THUMPD1: variants seen among roughly 807,000 people sequenced by gnomAD.
THUMPD1 encodes THUMP domain 1 NAT10 acetyltransferase adaptor, also known as THUMP domain-containing protein 1.
In THUMPD1, 31 loss-of-function variants were observed where a neutral mutation model predicts 31.6. That is an observed-to-expected ratio of 0.98 (90% confidence interval 0.74 to 1.32). The LOEUF is 1.32. Among genes scored for constraint, THUMPD1 ranks in the 40% most tolerant of loss-of-function variants. The pLI is 0.00. For missense variants in THUMPD1, 446 were observed against 427.8 expected (o/e 1.04, Z -0.38); for synonymous variants, 166 against 158.2 (o/e 1.05, Z -0.37).
Position 20,738,996 on chromosome 16 carries a change from CTTCT to C in THUMPD1, c.303_306del (p.Glu102LeufsTer10), listed in dbSNP as rs2152419456. 1 of 1,614,234 alleles carries C rather than the reference CTTCT, an allele frequency of 6.2e-7. No individual in the cohort carries two copies. The highest frequency in any genetic ancestry group is 1.1e-5 in the South Asian group (1 of 91,090). ...TCTGTAGATGCCTTAATGTCACCAA[CTTCT>C]TTCTTCAAGGCAGCCTCCGCATCAT... is the stretch of plus-strand genomic sequence containing the variant. On this transcript the variant is annotated frameshift_variant, in exon 2 of 4. Transcript: ENST00000396083. LOFTEE classifies it high-confidence loss of function.
intron 1 of THUMPD1, 101 bp downstream of exon 1, chr16:20,741,408 G>T (rs1336140323): frequency 3.6e-6 from 5 of 1,395,538 alleles, no homozygotes; most frequent in East Asian, 5.0e-5. Flanking sequence ...TCACGCCGAC[G>T]ACCCGAGGCG....
rs1234045740 is a variant in THUMPD1, at chr16:20,737,732, C to T, written c.631G>A (p.Glu211Lys). 2 of 1,612,270 alleles carry T rather than the reference C, an allele frequency of 1.2e-6. No homozygotes were observed. The highest frequency in any genetic ancestry group is 2.2e-5 in the South Asian group (2 of 90,526). ...KSRNNSHVNR[E>K]EVIRELAGIV... Reference sequence around the variant, plus strand: ...CCTGCCAATTCTCTGATAACTTCTTCTCTATTCACATGACTGTTATTTCGA... The same window carrying T: ...CCTGCCAATTCTCTGATAACTTCTTTTCTATTCACATGACTGTTATTTCGA... Residue 211 changes from glutamate to lysine, a missense_variant, in exon 3 of 4, where the codon GAA (glutamate) becomes AAA (lysine). Glu to Lys is a moderately conservative substitution (Grantham distance 56, BLOSUM62 1). Transcript: ENST00000396083.
chr16:20,741,508 C>A lies in THUMPD1; in HGVS notation c.231+1G>T. 1 of 1,452,776 alleles carries A rather than the reference C, an allele frequency of 6.9e-7. No individual in the cohort carries two copies. The allele number at this position is 1,452,776 out of a possible 1,614,324, so 90.0% of individuals were successfully genotyped here. A position where few individuals can be genotyped will look rare whatever the true frequency, so the allele number is the denominator to read the frequency against. On this transcript the variant is annotated splice_donor_variant, in intron 1 of 3. Coordinates refer to ENST00000396083, the MANE Select transcript of THUMPD1 (RefSeq NM_017736.5). LOFTEE classifies it high-confidence loss of function. ...CCGCCCGCCCACCCCGGGACCGGTACCTTTTCTGGCCCATACATGTCGTCG... is the reference window on the plus strand; with the variant it reads ...CCGCCCGCCCACCCCGGGACCGGTAACTTTTCTGGCCCATACATGTCGTCG...
rs548764197 is a variant in THUMPD1 at position 20,738,477 on chromosome 16, G to A, written c.406+420C>T. Among the ~76,000 whole-genome samples, 5 of 152,228 alleles carry A rather than the reference G, an allele frequency of 3.3e-5. No individual in the cohort carries two copies. In the South Asian group the frequency reaches 6.2e-4, roughly 19 times the overall value. On this transcript the variant is annotated intron_variant, in intron 2 of 3. Coordinates refer to ENST00000396083, the MANE Select transcript of THUMPD1 (RefSeq NM_017736.5). ...CAGGCTGCAACTTGCCTACATACAA[G>A]TATATTTGGGGCTGCTCCGAAAATT...
chr16:20,739,638 T>C (rs757013248), intron 1 of THUMPD1, among the ~76,000 whole-genome samples: 5 of 151,936 alleles, frequency 3.3e-5, no homozygotes, highest in African/African-American at 4.8e-5. Context: ...CTAGCCAACA[T>C]GGTGAAACCT....
intron 1 of THUMPD1, among the ~76,000 whole-genome samples, chr16:20,739,511 A>G (rs540527661): frequency 6.6e-6 from 1 of 152,188 alleles, no homozygotes; most frequent in South Asian, 2.1e-4. Flanking sequence ...CGAAGCTGGG[A>G]CACCACACCC....
At chr16:20,738,261 G>A (rs2079887979) in intron 2 of THUMPD1, 1 of 465,822 alleles carries the variant, frequency 2.1e-6, no homozygotes, top group East Asian at 6.5e-5. Flanking sequence ...ACACCATGCT[G>A]TTGTTTTCCT....
intron 1 of THUMPD1, among the ~76,000 whole-genome samples, chr16:20,741,202 G>A (rs762368397): frequency 1.3e-5 from 2 of 152,128 alleles, no homozygotes; most frequent in Non-Finnish European, 1.5e-5. Context: ...CTATCATCAC[G>A]CCACTGCACT....
chr16:20,739,091 G>A lies in THUMPD1; in HGVS notation c.232-20C>T, dbSNP rs752959404. On this transcript the variant is annotated intron_variant, in intron 1 of 3. Coordinates refer to ENST00000396083, the MANE Select transcript of THUMPD1 (RefSeq NM_017736.5). ...TGTAAACTGTTTGCATAAAACTAAT[G>A]AGCAGAAATGACACAACAGCTCACA... 4.3e-6 allele frequency: 7 copies of A among 1,612,964 alleles called. No individual in the cohort carries two copies. The highest frequency in any genetic ancestry group is 1.3e-5 in the African/African-American group (1 of 74,844).
chr16:20,739,708 C>T (rs2079901019), intron 1 of THUMPD1, among the ~76,000 whole-genome samples: 1 of 151,716 alleles, frequency 6.6e-6, no homozygotes, highest in Non-Finnish European at 1.5e-5. Flanking sequence ...GTAATCCCAG[C>T]TACTCAGGAG....
Position 20,741,591 on chromosome 16 carries a change from C to G in THUMPD1, c.149G>C (p.Cys50Ser). The change falls in exon 1 of 4, where the codon TGC (cysteine) becomes TCC (serine). Residue 50 changes from cysteine (C) to serine (S), a missense_variant. By Grantham distance (112) the Cys-to-Ser change is moderately radical. Transcript: ENST00000396083. Reference protein sequence around the residue: ...EPGLQGILITCNMNERKCVEE... With the variant: ...EPGLQGILITSNMNERKCVEE... ...CACGCACTTGCGCTCGTTCATATTG[C>G]AGGTGATGAGGATGCCCTGTAGCCC... The G allele has an allele frequency of 6.4e-7, 1 of 1,572,398 alleles. No homozygotes were observed. The highest frequency in any genetic ancestry group is 8.6e-7 in the Non-Finnish European group (1 of 1,159,812).
At position 20,741,723 on chromosome 16, in the gene THUMPD1, T is replaced by C. The variant is rs763561721; in HGVS notation, c.17A>G (p.Gln6Arg). The C allele has an allele frequency of 2.4e-5, 38 of 1,574,520 alleles. No homozygotes were observed. In the African/African-American group the frequency reaches 5.0e-4, roughly 21 times the overall value. ...CCCGCCGCCAGGCTGAGTAGTCTGC[T>C]GGGCAGGGGCCGCCATGGTGTGCGC... The part of the protein sequence containing the change: MAAPA[Q>R]QTTQPGGGKR... The change falls in exon 1 of 4, where the codon CAG becomes CGG. Residue 6 changes from glutamine to arginine, a missense_variant. Physicochemically the swap from Gln to Arg is conservative, Grantham distance 43. Transcript: ENST00000396083.
rs1312564322 is a variant in THUMPD1 at position 20,741,716 on chromosome 16, A to G, written c.24T>C (p.Thr8=). MAAPAQQ[T]TQPGGGKRKG... ...TGCGCTTCCCGCCGCCAGGCTGAGTAGTCTGCTGGGCAGGGGCCGCCATGG... is the reference window on the plus strand; with the variant it reads ...TGCGCTTCCCGCCGCCAGGCTGAGTGGTCTGCTGGGCAGGGGCCGCCATGG... Residue 8 remains threonine (T), a synonymous_variant, in exon 1 of 4, where the codon ACT becomes ACC. Transcript: ENST00000396083. The G allele has an allele frequency of 6.3e-7, 1 of 1,576,746 alleles. No individual in the cohort carries two copies. The highest frequency in any genetic ancestry group is 2.3e-5 in the East Asian group (1 of 43,214).
In THUMPD1 at chr16:20,737,755, C is replaced by A. The variant is rs764908847; in HGVS notation, c.608G>T (p.Arg203Leu). The change falls in exon 3 of 4, where the codon CGA becomes CTA. Residue 203 changes from arginine (R) to leucine (L), a missense_variant. Physicochemically the swap from Arg to Leu is moderately radical, Grantham distance 102. Coordinates refer to ENST00000396083, the MANE Select transcript of THUMPD1 (RefSeq NM_017736.5). ...TTCTCTATTCACATGACTGTTATTT[C>A]GAGATTTGTACACAATCTGAAATGT... ...KGTFQIVYKS[R>L]NNSHVNREEV... 6.2e-7 allele frequency: 1 copy of A among 1,613,640 alleles called. No homozygotes were observed. The highest frequency in any genetic ancestry group is 1.1e-5 in the South Asian group (1 of 90,982).
In THUMPD1 at chr16:20,739,995, T is replaced by A. The variant is rs180921961; in HGVS notation, c.232-924A>T. 3.8e-3 allele frequency among the ~76,000 whole-genome samples: 583 copies of A among 152,334 alleles called. 2 individuals are homozygous for A. Among genetic ancestry groups the A allele is most frequent in the African/African-American group, 0.014 (565 of 41,568 alleles). The stretch of plus-strand genomic sequence containing the variant: ...TTAACACGTTGACCAGGTATCTGTG[T>A]GCCTCACACGACACTGTCCTTTTGG... On this transcript the variant is annotated intron_variant, in intron 1 of 3. Coordinates refer to ENST00000396083, the MANE Select transcript of THUMPD1 (RefSeq NM_017736.5).
chr16:20,736,978 T>A lies in THUMPD1; in HGVS notation c.964A>T (p.Thr322Ser). 1 of 1,614,098 alleles carries A rather than the reference T, an allele frequency of 6.2e-7. No individual in the cohort carries two copies. The highest frequency in any genetic ancestry group is 8.5e-7 in the Non-Finnish European group (1 of 1,179,998). Residue 322 changes from threonine to serine, a missense_variant, in exon 4 of 4, where the codon ACG (threonine) becomes TCG (serine). Transcript: ENST00000396083. ...TCATTTACCACCTGTGGATTAGACG[T>A]TGGTTTTGTCTGCCCCAGCTCCTCA... is the stretch of plus-strand genomic sequence containing the variant. ...NTEELGQTKP[T>S]SNPQVVNEGG... is the part of the protein sequence containing the mutation.
intron 1 of THUMPD1, 126 bp from the exon 2 acceptor site, chr16:20,739,197 A>C: frequency 2.1e-6 from 2 of 953,466 alleles, no homozygotes; most frequent in Non-Finnish European, 1.5e-6. Context: ...TTTTCTAAAG[A>C]TGGAGTCTCG....
chr16:20,736,907 G>C lies in THUMPD1; in HGVS notation c.1035C>G (p.Ser345=). The part of the protein sequence containing the change: ...PELASQATEG[S]KSNENDFS ...ATGAGAAGTCATTTTCATTTGACTTGGATCCTTCTGTGGCTTGACTTGCAA... is the reference window on the plus strand; with the variant it reads ...ATGAGAAGTCATTTTCATTTGACTTCGATCCTTCTGTGGCTTGACTTGCAA... The change falls in exon 4 of 4, where the codon TCC becomes TCG. Residue 345 remains serine (S), a synonymous_variant. Transcript: ENST00000396083. 1 of 1,614,064 alleles carries C rather than the reference G, an allele frequency of 6.2e-7. No homozygotes were observed. Among genetic ancestry groups the C allele is most frequent in the African/African-American group, 1.3e-5 (1 of 75,010 alleles).
chr16:20,737,509 AAAAG>A (rs2152417468), intron 3 of THUMPD1, among the ~76,000 whole-genome samples, 195 bp downstream of exon 3: 1 of 152,342 alleles, frequency 6.6e-6, no homozygotes, highest in East Asian at 1.9e-4. Flanking sequence ...TTCGAGTTAA[AAAAG>A]ACTTTTATCT....
Sources: allele counts gnomAD v4.1 joint callset (sites outside exome capture counted in the v4.1 genomes callset), GRCh38; gene constraint gnomAD v4.1.1; transcripts MANE v1.5; gene names NCBI Gene and HGNC (gene_info 2026-07-23, HGNC 2026-07-21).